The following NUDCD3 variants were observed in gnomAD, a reference collection of about 807,000 sequenced individuals.
NUDCD3 encodes nudC domain-containing protein 3.
NUDCD3 carries 13 observed loss-of-function variants against 39.7 expected under a neutral mutation model. That is an observed-to-expected ratio of 0.33 (90% confidence interval 0.21 to 0.52). The LOEUF (loss-of-function observed/expected upper bound fraction) is 0.52, where lower values mean the gene tolerates loss of function less well. Among genes scored for constraint, NUDCD3 ranks in the 20% least tolerant of loss-of-function variants. The pLI is 0.96. For missense variants in NUDCD3, 453 were observed against 458.1 expected (o/e 0.99, Z 0.10); for synonymous variants, 175 against 172.4 (o/e 1.02, Z -0.12).
intron 5 of NUDCD3, among the ~76,000 whole-genome samples, chr7:44,388,522 C>T (rs1359014568): frequency 1.3e-5 from 2 of 152,236 alleles, no homozygotes; most frequent in African/African-American, 2.4e-5. Flanking sequence ...TACATGAAAC[C>T]TCTGCGTGTT....
Position 44,490,579 on chromosome 7 carries a change from G to A in NUDCD3, c.22C>T (p.Leu8=). 1 of 1,610,158 alleles carries A rather than the reference G, an allele frequency of 6.2e-7. No individual in the cohort carries two copies. The highest frequency in any genetic ancestry group is 8.5e-7 in the Non-Finnish European group (1 of 1,178,338). The part of the protein sequence containing the change: METGAAE[L]YDQALLGILQ... ...ATGCCCAAAAGGGCCTGGTCATACA[G>A]CTCGGCCGCCCCTGTCTCCATGTCG... Residue 8 remains leucine (L), a synonymous_variant, in exon 1 of 6, where the codon CTG becomes TTG. Coordinates refer to ENST00000355451, the MANE Select transcript of NUDCD3 (RefSeq NM_015332.4).
intron 4 of NUDCD3, among the ~76,000 whole-genome samples, chr7:44,400,614 T>C (rs887674268): frequency 5.9e-5 from 9 of 152,170 alleles, no homozygotes; most frequent in Non-Finnish European, 1.2e-4. Flanking sequence ...ACAAATTTAT[T>C]ATCTCCCAGC....
chr7:44,416,033 TA>T (rs576494670), intron 3 of NUDCD3, among the ~76,000 whole-genome samples: 1,839 of 149,832 alleles, frequency 0.012, 12 homozygotes, highest in Non-Finnish European at 0.019. Flanking sequence ...GAGGTACGAC[TA>T]AAAAAAAAAT....
chr7:44,402,619 G>A (rs970726632), intron 4 of NUDCD3: 4 of 456,322 alleles, frequency 8.8e-6, no homozygotes, highest in East Asian at 6.9e-5. Flanking sequence ...AAGTGCAACC[G>A]GACCACACAC....
At chr7:44,466,315 C>T (rs1319236011) in intron 2 of NUDCD3, among the ~76,000 whole-genome samples, 2 of 152,324 alleles carry the variant, frequency 1.3e-5, no homozygotes, top group South Asian at 4.1e-4. Context: ...GGGATCATAC[C>T]CATATGCCCT....
In NUDCD3 at chr7:44,386,136, TAG is replaced by T. The variant is rs749472539; in HGVS notation, c.976-17_976-16del. The T allele has an allele frequency of 2.7e-5, 43 of 1,613,520 alleles. No individual in the cohort carries two copies. The highest frequency in any genetic ancestry group is 3.6e-5 in the Non-Finnish European group (42 of 1,179,686). On this transcript the variant is annotated splice_polypyrimidine_tract_variant and intron_variant, in intron 5 of 5. Coordinates refer to ENST00000355451, the MANE Select transcript of NUDCD3 (RefSeq NM_015332.4). ...TCATGGACTTTCTACAAACAGAAAA[TAG>T]AGAGATTAAAGGGGATCACAACGCA... is the stretch of plus-strand genomic sequence containing the variant.
At position 44,380,118 on chromosome 7, in the gene NUDCD3, T is replaced by A. The variant is rs1798282151; in HGVS notation, c.*5893A>T. The A allele has an allele frequency of 6.6e-6, 1 of 152,250 alleles. No homozygotes were observed. Among genetic ancestry groups the A allele is most frequent in the Admixed American group, 6.5e-5 (1 of 15,280 alleles). The allele number at this position is 152,250 out of a possible 1,614,324, so 9.4% of individuals were successfully genotyped here. ...GGGTCTTGTCATCAGGCACCCTGAATGCTTTCAGGTGGATGGTTTGGATCT... is the reference window on the plus strand; with the variant it reads ...GGGTCTTGTCATCAGGCACCCTGAAAGCTTTCAGGTGGATGGTTTGGATCT... On this transcript the variant is annotated 3_prime_UTR_variant, in exon 6 of 6. Transcript: ENST00000355451.
intron 4 of NUDCD3, among the ~76,000 whole-genome samples, chr7:44,397,434 G>A (rs1022796620): frequency 9.9e-5 from 15 of 152,182 alleles, no homozygotes; most frequent in African/African-American, 3.1e-4. Context: ...ACCCCTACCA[G>A]TAGCACAGAA....
chr7:44,396,108 T>TGTGTGC (rs1798619931), intron 4 of NUDCD3, among the ~76,000 whole-genome samples: 1 of 151,648 alleles, frequency 6.6e-6, no homozygotes, highest in African/African-American at 2.4e-5. Context: ...TGTGTGTGTG[T>TGTGTGC]GTGTGTGTGT....
rs1481422845 is a variant in NUDCD3 at position 44,454,388 on chromosome 7, A to G, written c.510-26685T>C. ...ACTCCCATGTCAAAATAGTTGGCAA[A>G]GAGCACAAGAATAGAATGATCTCCT... On this transcript the variant is annotated intron_variant, in intron 2 of 5. Transcript: ENST00000355451. Among the ~76,000 whole-genome samples, 4 of 152,218 alleles carry G rather than the reference A, an allele frequency of 2.6e-5. No homozygotes were observed. In the East Asian group the frequency reaches 7.7e-4, roughly 29 times the overall value.
intron 2 of NUDCD3, among the ~76,000 whole-genome samples, chr7:44,469,127 A>T (rs971585326): frequency 1.3e-5 from 2 of 149,404 alleles, no homozygotes; most frequent in African/African-American, 2.5e-5. Flanking sequence ...AAAAAAAAAA[A>T]AAAAAAAAAA....
At chr7:44,429,185 A>G (rs1799301255) in intron 2 of NUDCD3, among the ~76,000 whole-genome samples, 1 of 152,230 alleles carries the variant, frequency 6.6e-6, no homozygotes, top group Non-Finnish European at 1.5e-5. Context: ...GGGCTGGGCA[A>G]TAGTGGCTGT....
chr7:44,485,793 AAC>A (rs1235013980), intron 1 of NUDCD3, among the ~76,000 whole-genome samples: 1 of 152,264 alleles, frequency 6.6e-6, no homozygotes, highest in Non-Finnish European at 1.5e-5. Context: ...GTGTGCAAGA[AAC>A]ACGCACGCAC....
chr7:44,467,861 G>A (rs1349608546), intron 2 of NUDCD3: 1 of 1,454,454 alleles, frequency 6.9e-7, no homozygotes, highest in African/African-American at 1.4e-5. Flanking sequence ...CCTCGGCGCT[G>A]CCTACGGAGG....
At chr7:44,487,005 AT>A (rs1188124489) in intron 1 of NUDCD3, among the ~76,000 whole-genome samples, 2 of 152,164 alleles carry the variant, frequency 1.3e-5, no homozygotes, top group Admixed American at 6.5e-5. Flanking sequence ...TTTCTCAACA[AT>A]TTATGTAAGG....
rs1360462962 is a variant in NUDCD3, at chr7:44,385,047, G to C, written c.*964C>G. ...TTCACTCTCTTCTGGTTCAGTTGTG[G>C]TGGGACAGTGTGCCTTCACGCCCCA... On this transcript the variant is annotated 3_prime_UTR_variant, in exon 6 of 6. Transcript: ENST00000355451. 3 of 152,258 alleles carry C rather than the reference G, an allele frequency of 2.0e-5. No individual in the cohort carries two copies. The highest frequency in any genetic ancestry group is 2.9e-5 in the Non-Finnish European group (2 of 68,106). The allele number at this position is 152,258 out of a possible 1,614,324, so 9.4% of individuals were successfully genotyped here.
chr7:44,388,490 G>A (rs1189507922), intron 5 of NUDCD3, among the ~76,000 whole-genome samples: 1 of 152,208 alleles, frequency 6.6e-6, no homozygotes, highest in Non-Finnish European at 1.5e-5. Flanking sequence ...CTAAAAAAAG[G>A]CTACAGTCAC....
At chr7:44,428,615 A>T (rs977226336) in intron 2 of NUDCD3, among the ~76,000 whole-genome samples, 1 of 152,238 alleles carries the variant, frequency 6.6e-6, no homozygotes, top group African/African-American at 2.4e-5. Flanking sequence ...CAGCCTAAAA[A>T]ACTCAATCAA....
At chr7:44,411,264 CAA>C (rs896341740) in intron 3 of NUDCD3, among the ~76,000 whole-genome samples, 2 of 130,594 alleles carry the variant, frequency 1.5e-5, no homozygotes, top group African/African-American at 5.7e-5. Context: ...GCAGCCAAAG[CAA>C]AAAAAAAAAA....
Sources: allele counts gnomAD v4.1 joint callset (sites outside exome capture counted in the v4.1 genomes callset), GRCh38; gene constraint gnomAD v4.1.1; transcripts MANE v1.5; gene names NCBI Gene and HGNC (gene_info 2026-07-23, HGNC 2026-07-21).